The following ZNF738 variants were observed in gnomAD, a reference collection of about 807,000 sequenced individuals.
ZNF738 encodes the protein protein ZNF738.
ZNF738 carries 10 observed loss-of-function variants against 9.2 expected under a neutral mutation model. That is an observed-to-expected ratio of 1.09 (90% CI 0.67 to 1.85). The LOEUF (loss-of-function observed/expected upper bound fraction) is 1.85, where lower values mean the gene tolerates loss of function less well. Ranked by LOEUF, ZNF738 falls within the 40% of genes most tolerant of loss-of-function variation. The pLI, the probability that ZNF738 is intolerant of heterozygous loss-of-function variation, is 0.00. For synonymous variants in ZNF738, 113 were observed against 94.5 expected (o/e 1.20, Z -1.14); for missense variants, 346 against 283.6 (o/e 1.22, Z -1.58).
chr19:21,363,885 TAAAA>T (rs71176862), intron 2 of ZNF738, among the ~76,000 whole-genome samples: 57 of 141,334 alleles, frequency 4.0e-4, no homozygotes, highest in South Asian at 9.0e-4. Flanking sequence ...AGACTCCATT[TAAAA>T]AAAAAAAAAA....
Position 21,385,493 on chromosome 19 carries a change from T to G in ZNF738, c.*1819T>G, listed in dbSNP as rs1420642797. On this transcript the variant is annotated 3_prime_UTR_variant, in exon 5 of 5. Coordinates refer to ENST00000683779, the MANE Select transcript of ZNF738 (RefSeq NM_001355237.2). ...TAAATAAATAAAAAAAATAAGAGAG[T>G]TCATACTAGAGAGAAACCCTGCAAA... 6.7e-6 allele frequency among the ~76,000 whole-genome samples: 1 copy of G among 150,326 alleles called. No homozygotes were observed. The highest frequency in any genetic ancestry group is 6.6e-5 in the Admixed American group (1 of 15,118).
At chr19:21,378,405 C>A (rs905661035) in intron 4 of ZNF738, 1 of 179,750 alleles carries the variant, frequency 5.6e-6, no homozygotes, top group Non-Finnish European at 1.3e-5. Flanking sequence ...TAAGGAAGTA[C>A]CAATATACTT....
At chr19:21,371,231 A>G (rs2145228063) in intron 2 of ZNF738, among the ~76,000 whole-genome samples, 1 of 152,262 alleles carries the variant, frequency 6.6e-6, no homozygotes, top group South Asian at 2.1e-4. Context: ...AGGCAGTTCC[A>G]TTTTCTATTT....
chr19:21,381,323 C>A, intron 4 of ZNF738: 2 of 1,560,700 alleles, frequency 1.3e-6, no homozygotes, highest in Non-Finnish European at 1.8e-6. Context: ...CATTTCCGCT[C>A]CTAAAACTGT....
In ZNF738 at chr19:21,383,650, A is replaced by C. The variant is rs953644726; in HGVS notation, c.1104A>C (p.Gly368=). 4.6e-5 allele frequency: 45 copies of C among 968,554 alleles called. No individual in the cohort carries two copies. In the East Asian group the frequency reaches 1.2e-3, roughly 25 times the overall value. 60.0% of individuals were successfully genotyped at this position (968,554 alleles called of 1,614,324 possible). A position where few individuals can be genotyped will look rare whatever the true frequency, so the allele number is the denominator to read the frequency against. The change falls in exon 5 of 5, where the codon GGA becomes GGC. Residue 368 remains glycine (G), a synonymous_variant. Transcript: ENST00000683779. ...HLTRHKIIHT[G]EKPYKCE The stretch of plus-strand genomic sequence containing the variant: ...CCAGACATAAGATAATTCATACTGG[A>C]GAGAAACCCTACAAATGTGAATAAT...
chr19:21,377,864 CAA>C (rs1176844302), intron 4 of ZNF738: 2 of 378,604 alleles, frequency 5.3e-6, no homozygotes, highest in Non-Finnish European at 9.3e-6. Flanking sequence ...TTTTCTGAAA[CAA>C]AGAGACTTAC....
At position 21,388,377 on chromosome 19, in the gene ZNF738, A is replaced by T. The variant is rs531805403; in HGVS notation, c.*4703A>T. ...TGGGCATTTATGATCTTTTCTATGG[A>T]CAAGTAAGGACATTAGAATGTAAGA... On this transcript the variant is annotated 3_prime_UTR_variant, in exon 5 of 5. Coordinates refer to ENST00000683779, the MANE Select transcript of ZNF738 (RefSeq NM_001355237.2). 6.6e-6 allele frequency among the ~76,000 whole-genome samples: 1 copy of T among 152,270 alleles called. No individual in the cohort carries two copies. Among genetic ancestry groups the T allele is most frequent in the South Asian group, 2.1e-4 (1 of 4,828 alleles).
chr19:21,388,380 A>G lies in ZNF738; in HGVS notation c.*4706A>G, dbSNP rs1450309834. ...GCATTTATGATCTTTTCTATGGACA[A>G]GTAAGGACATTAGAATGTAAGATGC... is the stretch of plus-strand genomic sequence containing the variant. On this transcript the variant is annotated 3_prime_UTR_variant, in exon 5 of 5. Transcript: ENST00000683779. Among the ~76,000 whole-genome samples, 1 of 152,180 alleles carries G rather than the reference A, an allele frequency of 6.6e-6. No individual in the cohort carries two copies. The highest frequency in any genetic ancestry group is 1.5e-5 in the Non-Finnish European group (1 of 68,008).
chr19:21,366,128 C>T (rs1973774363), intron 2 of ZNF738, among the ~76,000 whole-genome samples: 1 of 152,072 alleles, frequency 6.6e-6, no homozygotes, highest in Non-Finnish European at 1.5e-5. Flanking sequence ...GAAAGAGCTC[C>T]CCATGTCCTA....
At chr19:21,370,289 A>T (rs892784609) in intron 2 of ZNF738, among the ~76,000 whole-genome samples, 2 of 152,222 alleles carry the variant, frequency 1.3e-5, no homozygotes, top group African/African-American at 4.8e-5. Context: ...TTGGTTTGCC[A>T]GTATTTTGTT....
rs1254267847 is a variant in ZNF738 at position 21,359,069 on chromosome 19, G to C, written c.-72G>C. On this transcript the variant is annotated 5_prime_UTR_variant, in exon 1 of 5. Transcript: ENST00000683779. Reference sequence around the variant, plus strand: ...TGTGTCCTCTGCTCCTAGAGGCCCAGCCTCTGGTCCTGTGACCTGCAGGTA... The same window carrying C: ...TGTGTCCTCTGCTCCTAGAGGCCCACCCTCTGGTCCTGTGACCTGCAGGTA... 6 of 914,780 alleles carry C rather than the reference G, an allele frequency of 6.6e-6. No homozygotes were observed. Among genetic ancestry groups the C allele is most frequent in the African/African-American group, 1.6e-5 (1 of 61,518 alleles). 56.7% of individuals were successfully genotyped at this position (914,780 alleles called of 1,614,324 possible). A position where few individuals can be genotyped will look rare whatever the true frequency, so the allele number is the denominator to read the frequency against.
chr19:21,363,256 A>G (rs1973723573), intron 2 of ZNF738, among the ~76,000 whole-genome samples: 1 of 152,172 alleles, frequency 6.6e-6, no homozygotes, highest in South Asian at 2.1e-4. Context: ...GATTTTTCAA[A>G]CAACTTAGTT....
chr19:21,373,214 A>G (rs1453102325), intron 2 of ZNF738, among the ~76,000 whole-genome samples: 1 of 152,232 alleles, frequency 6.6e-6, no homozygotes, highest in Non-Finnish European at 1.5e-5. Flanking sequence ...TTATCAGCCT[A>G]GACTTCTCAT....
chr19:21,387,876 T>C lies in ZNF738; in HGVS notation c.*4202T>C, dbSNP rs1391637612. ...CAGTTGCTCAAGCTTTGTTCAACATTAGGGCACTTATATTGGAAAAGTGTC... is the reference window on the plus strand; with the variant it reads ...CAGTTGCTCAAGCTTTGTTCAACATCAGGGCACTTATATTGGAAAAGTGTC... On this transcript the variant is annotated 3_prime_UTR_variant, in exon 5 of 5. Transcript: ENST00000683779. Among the ~76,000 whole-genome samples, 2 of 152,216 alleles carry C rather than the reference T, an allele frequency of 1.3e-5. No individual in the cohort carries two copies. The highest frequency in any genetic ancestry group is 4.1e-4 in the South Asian group (2 of 4,832).
At chr19:21,359,597 G>A (rs1214630395) in intron 1 of ZNF738, among the ~76,000 whole-genome samples, 1 of 152,202 alleles carries the variant, frequency 6.6e-6, no homozygotes, top group Non-Finnish European at 1.5e-5. Flanking sequence ...AGTGGTTCTA[G>A]GCTGGGCGCG....
chr19:21,362,978 G>C (rs1973719600), intron 2 of ZNF738, among the ~76,000 whole-genome samples: 1 of 151,974 alleles, frequency 6.6e-6, no homozygotes, highest in African/African-American at 2.4e-5. Flanking sequence ...TTTTTGGCAG[G>C]GTAAATTTTT....
chr19:21,384,234 G>C lies in ZNF738; in HGVS notation c.*560G>C. On this transcript the variant is annotated 3_prime_UTR_variant, in exon 5 of 5. Coordinates refer to ENST00000683779, the MANE Select transcript of ZNF738 (RefSeq NM_001355237.2). ...TACTACACATAAGAGAATTCATACT[G>C]GTGAGAAACCCTACAAATGTGAAGA... 3 of 1,413,486 alleles carry C rather than the reference G, an allele frequency of 2.1e-6. No individual in the cohort carries two copies. The highest frequency in any genetic ancestry group is 3.0e-6 in the Non-Finnish European group (3 of 1,003,758). 87.6% of individuals were successfully genotyped at this position (1,413,486 alleles called of 1,614,324 possible).
rs1249550834 is a variant in ZNF738 at position 21,386,208 on chromosome 19, G to C, written c.*2534G>C. On this transcript the variant is annotated 3_prime_UTR_variant, in exon 5 of 5. Coordinates refer to ENST00000683779, the MANE Select transcript of ZNF738 (RefSeq NM_001355237.2). Reference sequence around the variant, plus strand: ...GAGGAATGTGGCAAAGCCTTTAATGGTCCCCTCAACTTTCTGCACATAAGA... The same window carrying C: ...GAGGAATGTGGCAAAGCCTTTAATGCTCCCCTCAACTTTCTGCACATAAGA... The C allele has an allele frequency of 3.6e-6, 1 of 277,976 alleles. No individual in the cohort carries two copies. Among genetic ancestry groups the C allele is most frequent in the Non-Finnish European group, 7.4e-6 (1 of 135,712 alleles). The allele number at this position is 277,976 out of a possible 1,614,324, so 17.2% of individuals were successfully genotyped here.
Position 21,383,269 on chromosome 19 carries a change from T to A in ZNF738, c.723T>A (p.Phe241Leu). The A allele has an allele frequency of 6.3e-7, 1 of 1,577,912 alleles. No homozygotes were observed. Among genetic ancestry groups the A allele is most frequent in the Non-Finnish European group, 8.7e-7 (1 of 1,150,368 alleles). Residue 241 changes from phenylalanine to leucine, a missense_variant, in exon 5 of 5, where the codon TTT becomes TTA. Transcript: ENST00000683779. ...SYQCEECGKAFKWFSTLTRHK... is the reference protein window; with the variant it reads ...SYQCEECGKALKWFSTLTRHK... ...AATGTGAAGAATGTGGCAAAGCCTT[T>A]AAATGGTTCTCAACCCTTACTAGAC...
Sources: gnomAD v4.1 joint callset for allele counts (sites outside exome capture counted in the v4.1 genomes callset) on GRCh38, gnomAD v4.1.1 for gene constraint, MANE v1.5 for transcripts, NCBI Gene and HGNC (gene_info 2026-07-23, HGNC 2026-07-21) for gene names.